The following TCF7L2 variants were observed in gnomAD, a reference collection of about 807,000 sequenced individuals.
TCF7L2 encodes the protein transcription factor 7 like 2, also known as transcription factor 7-like 2.
Under a neutral mutation model 77.9 loss-of-function variants are expected in TCF7L2, and 23 were observed. The ratio of observed to expected loss-of-function variants is 0.30; its 90% CI spans 0.21 to 0.42. TCF7L2 has a LOEUF of 0.42. Ranked by LOEUF, TCF7L2 falls within the 10% of genes least tolerant of loss-of-function variation. The pLI, the probability that TCF7L2 is intolerant of heterozygous loss-of-function variation, is 1.00. For missense variants in TCF7L2, 654 were observed against 793.1 expected (o/e 0.82, Z 2.11); for synonymous variants, 413 against 340.2 (o/e 1.21, Z -2.36).
intron 5 of TCF7L2, among the ~76,000 whole-genome samples, chr10:113,049,771 T>G (rs1301241564): frequency 6.6e-6 from 1 of 152,138 alleles, no homozygotes; most frequent in Admixed American, 6.6e-5. Context: ...TGTCACTTGA[T>G]GAAGAGGTGG....
chr10:113,143,163 G>A (rs1436239816), intron 6 of TCF7L2, among the ~76,000 whole-genome samples: 1 of 152,256 alleles, frequency 6.6e-6, no homozygotes, highest in African/African-American at 2.4e-5. Context: ...TGGCAGATGT[G>A]CGGTGGCACG....
At chr10:112,967,541 T>C (rs2037237830) in intron 4 of TCF7L2, among the ~76,000 whole-genome samples, 1 of 151,404 alleles carries the variant, frequency 6.6e-6, no homozygotes, top group South Asian at 2.1e-4. Context: ...GACAGCCTCC[T>C]AGCTCCCCTT....
chr10:113,157,648 C>A (rs186345124), intron 11 of TCF7L2: 1 of 209,232 alleles, frequency 4.8e-6, no homozygotes, highest in East Asian at 1.3e-4. Flanking sequence ...AAGATGGGCT[C>A]TCAGACTGCT....
chr10:113,038,749 C>G (rs759589440), intron 4 of TCF7L2, among the ~76,000 whole-genome samples: 16 of 152,224 alleles, frequency 1.1e-4, no homozygotes, highest in South Asian at 2.1e-4. Flanking sequence ...CACAGTGTCA[C>G]CATGTTCTGT....
At chr10:112,964,491 G>A (rs2036039127) in intron 3 of TCF7L2, 65 bp from the exon 4 acceptor site, 2 of 1,490,808 alleles carry the variant, frequency 1.3e-6, no homozygotes, top group Admixed American at 3.4e-5. Context: ...TTCATAAACT[G>A]CTTAAGATGT....
At position 113,141,080 on chromosome 10, in the gene TCF7L2, C is replaced by T. The variant is rs182436762; in HGVS notation, c.553-104C>T. On this transcript the variant is annotated intron_variant, in intron 5 of 13. Coordinates refer to ENST00000627217, the MANE Select transcript of TCF7L2 (RefSeq NM_001146274.2). Reference sequence around the variant, plus strand: ...AGAGTTGAGTGCATCTTAGAAAATCCAGGTGAGAGGCTGTGGCCAAGGGAA... The same window carrying T: ...AGAGTTGAGTGCATCTTAGAAAATCTAGGTGAGAGGCTGTGGCCAAGGGAA... The T allele has an allele frequency of 1.4e-5, 20 of 1,448,138 alleles. No homozygotes were observed. In the African/African-American group the frequency reaches 2.7e-4, roughly 19 times the overall value. The allele number at this position is 1,448,138 out of a possible 1,614,324, so 89.7% of individuals were successfully genotyped here. A position where few individuals can be genotyped will look rare whatever the true frequency, so the allele number is the denominator to read the frequency against.
chr10:113,090,156 C>G (rs2060227040), intron 5 of TCF7L2, among the ~76,000 whole-genome samples: 1 of 152,154 alleles, frequency 6.6e-6, no homozygotes, highest in Non-Finnish European at 1.5e-5. Flanking sequence ...AGTAACAGTT[C>G]TCTTCAAATT....
At chr10:113,156,288 G>A (rs989810880) in intron 11 of TCF7L2, among the ~76,000 whole-genome samples, 2 of 152,016 alleles carry the variant, frequency 1.3e-5, no homozygotes, top group Admixed American at 6.5e-5. Flanking sequence ...CTAATTTTTT[G>A]TATTTTTAGT....
intron 4 of TCF7L2, among the ~76,000 whole-genome samples, chr10:113,015,146 A>G (rs1034839891): frequency 6.6e-6 from 1 of 152,124 alleles, no homozygotes; most frequent in Non-Finnish European, 1.5e-5. Flanking sequence ...AGATCACACC[A>G]TTGCACTCCA....
At chr10:112,968,923 G>A (rs1314093704) in intron 4 of TCF7L2, among the ~76,000 whole-genome samples, 3 of 152,050 alleles carry the variant, frequency 2.0e-5, no homozygotes, top group Non-Finnish European at 4.4e-5. Flanking sequence ...TCCCTGGCCT[G>A]GGGGTTCAGG....
At chr10:112,985,476 G>T in intron 4 of TCF7L2, among the ~76,000 whole-genome samples, 1 of 150,572 alleles carries the variant, frequency 6.6e-6, no homozygotes, top group East Asian at 1.9e-4. Flanking sequence ...CTTTTTTCTT[G>T]TATTACTACA....
At chr10:112,951,308 AGCCGCCCCCCGGGCCG>A (rs957385628) in intron 2 of TCF7L2, 35 bp downstream of exon 2, 7 of 1,096,332 alleles carry the variant, frequency 6.4e-6, no homozygotes, top group African/African-American at 1.7e-5. Context: ...AGCCGCCCGG[AGCCGCCCCCCGGGCCG>A]GCCGCCCCGC....
intron 4 of TCF7L2, among the ~76,000 whole-genome samples, chr10:113,016,199 G>C (rs940037717): frequency 2.0e-5 from 3 of 151,964 alleles, no homozygotes; most frequent in African/African-American, 7.2e-5. Flanking sequence ...TGAGTAGCTG[G>C]GATTACAGGC....
intron 5 of TCF7L2, among the ~76,000 whole-genome samples, chr10:113,075,763 T>C (rs752023849): frequency 2.2e-4 from 34 of 152,322 alleles, no homozygotes; most frequent in Admixed American, 5.2e-4. Flanking sequence ...AGAGATAATG[T>C]GAAGTCATTG....
chr10:113,097,922 C>T (rs533834035), intron 5 of TCF7L2, among the ~76,000 whole-genome samples: 3 of 151,188 alleles, frequency 2.0e-5, no homozygotes, highest in East Asian at 3.9e-4. Context: ...CGTGGTAGTG[C>T]GCTTGTAATT....
intron 5 of TCF7L2, among the ~76,000 whole-genome samples, chr10:113,072,992 C>T (rs943810376): frequency 6.6e-6 from 1 of 151,960 alleles, no homozygotes; most frequent in Non-Finnish European, 1.5e-5. Flanking sequence ...AAGTGATGCT[C>T]CCAGCCCCTG....
At chr10:113,058,115 G>A (rs1024549763) in intron 5 of TCF7L2, among the ~76,000 whole-genome samples, 1 of 152,190 alleles carries the variant, frequency 6.6e-6, no homozygotes, top group African/African-American at 2.4e-5. Flanking sequence ...GAAGAAGGTG[G>A]TGGCTATAAA....
intron 5 of TCF7L2, among the ~76,000 whole-genome samples, chr10:113,049,916 C>T (rs960344712): frequency 4.6e-5 from 7 of 152,112 alleles, no homozygotes; most frequent in African/African-American, 1.4e-4. Context: ...AGCAAGTCCC[C>T]GTTCATCAGA....
At chr10:113,131,802 A>G (rs529833116) in intron 5 of TCF7L2, among the ~76,000 whole-genome samples, 26 of 152,302 alleles carry the variant, frequency 1.7e-4, no homozygotes, top group South Asian at 4.1e-4. Context: ...TCCTTCTGCA[A>G]TATTTTGGAA....
Sources: allele counts gnomAD v4.1 joint callset (sites outside exome capture counted in the v4.1 genomes callset), GRCh38; gene constraint gnomAD v4.1.1; transcripts MANE v1.5; gene names NCBI Gene and HGNC (gene_info 2026-07-23, HGNC 2026-07-21).